Variants in HEMK2 observed in about 807,000 individuals in gnomAD.
HEMK2 encodes the protein methyltransferase HEMK2.
At chr21:28,812,643 T>C in the HEMK2 span, among the ~76,000 whole-genome samples, 13 of 152,352 alleles carry the variant, frequency 8.5e-5, 1 homozygote, top group Admixed American at 8.5e-4. Flanking sequence ...AGGATTATGC[T>C]GGACTCATAA....
chr21:28,617,147 G>A, the HEMK2 span, among the ~76,000 whole-genome samples: 1 of 152,182 alleles, frequency 6.6e-6, no homozygotes, highest in Non-Finnish European at 1.5e-5. Context: ...TGAATTGGGT[G>A]GTCTGGAATA....
At chr21:28,740,193 A>G in the HEMK2 span, among the ~76,000 whole-genome samples, 1 of 152,352 alleles carries the variant, frequency 6.6e-6, no homozygotes, top group African/African-American at 2.4e-5. Flanking sequence ...CTCTACTTAA[A>G]GCCTATCTAT....
At chr21:28,866,936 C>T in the HEMK2 span, among the ~76,000 whole-genome samples, 11 of 151,910 alleles carry the variant, frequency 7.2e-5, 1 homozygote, top group Admixed American at 2.0e-4. Context: ...AAATTTCAAC[C>T]ATATTATTCA....
the HEMK2 span, among the ~76,000 whole-genome samples, chr21:28,720,407 A>G: frequency 2.6e-5 from 4 of 152,196 alleles, no homozygotes; most frequent in Admixed American, 6.5e-5. Flanking sequence ...TGGAGTATGA[A>G]TAGGACCCAG....
the HEMK2 span, among the ~76,000 whole-genome samples, chr21:28,828,541 T>G: frequency 6.6e-6 from 1 of 152,090 alleles, no homozygotes; most frequent in African/African-American, 2.4e-5. Context: ...CAGCCTTCAG[T>G]TTTTTCTAAA....
chr21:28,670,458 A>G, the HEMK2 span, among the ~76,000 whole-genome samples: 4 of 152,082 alleles, frequency 2.6e-5, no homozygotes, highest in African/African-American at 9.7e-5. Context: ...TACTGTCTTG[A>G]GGCCATAAGG....
At chr21:28,701,164 T>C in the HEMK2 span, among the ~76,000 whole-genome samples, 1 of 152,206 alleles carries the variant, frequency 6.6e-6, no homozygotes. Context: ...AACAGCCATC[T>C]ATGACAAAGC....
chr21:28,583,523 G>A, the HEMK2 span, among the ~76,000 whole-genome samples: 1 of 152,160 alleles, frequency 6.6e-6, no homozygotes, highest in Non-Finnish European at 1.5e-5. Flanking sequence ...CCTTGAAATA[G>A]GGCTACGTCA....
At chr21:28,858,777 C>T in the HEMK2 span, among the ~76,000 whole-genome samples, 1 of 152,094 alleles carries the variant, frequency 6.6e-6, no homozygotes, top group African/African-American at 2.4e-5. Flanking sequence ...AGGGACCATG[C>T]CAGGAGTTCA....
chr21:28,861,402 T>C, the HEMK2 span, among the ~76,000 whole-genome samples: 1 of 152,232 alleles, frequency 6.6e-6, no homozygotes, highest in Non-Finnish European at 1.5e-5. Flanking sequence ...ACTGCATTCT[T>C]AATTTATATA....
the HEMK2 span, among the ~76,000 whole-genome samples, chr21:28,738,496 T>G: frequency 6.6e-6 from 1 of 152,182 alleles, no homozygotes; most frequent in African/African-American, 2.4e-5. Context: ...GTCTCCCTCT[T>G]GCTGTCCTCC....
the HEMK2 span, among the ~76,000 whole-genome samples, chr21:28,838,972 AATATATATAT>A: frequency 3.2e-3 from 94 of 29,148 alleles, no homozygotes; most frequent in South Asian, 0.01. Context: ...AAAAAAAAAA[AATATATATAT>A]ATATATATAT....
chr21:28,607,593 G>T, the HEMK2 span, among the ~76,000 whole-genome samples: 4 of 152,070 alleles, frequency 2.6e-5, no homozygotes, highest in African/African-American at 9.7e-5. Flanking sequence ...TAGCCAACAG[G>T]TTTAATCTTA....
the HEMK2 span, among the ~76,000 whole-genome samples, chr21:28,685,595 C>G: frequency 2.6e-5 from 4 of 152,150 alleles, no homozygotes; most frequent in African/African-American, 9.7e-5. Context: ...ACTTAGATTT[C>G]TAGTGGTCAC....
chr21:28,830,540 C>A, the HEMK2 span, among the ~76,000 whole-genome samples: 1 of 152,112 alleles, frequency 6.6e-6, no homozygotes, highest in Non-Finnish European at 1.5e-5. Context: ...AGTGTGAGAA[C>A]AGACTCTACA....
At chr21:28,781,669 G>A in the HEMK2 span, among the ~76,000 whole-genome samples, 9 of 152,320 alleles carry the variant, frequency 5.9e-5, no homozygotes, top group African/African-American at 2.2e-4. Flanking sequence ...CAGCAGCAAT[G>A]TGGAACAACA....
the HEMK2 span, among the ~76,000 whole-genome samples, chr21:28,826,875 A>G: frequency 2.0e-5 from 3 of 152,204 alleles, no homozygotes; most frequent in African/African-American, 7.2e-5. Context: ...TGGCATAACC[A>G]GCATCTTCAA....
At chr21:28,883,007 T>A in the HEMK2 span, 2 of 1,605,458 alleles carry the variant, frequency 1.2e-6, no homozygotes, top group Non-Finnish European at 1.7e-6. Context: ...TGAGGGCCTA[T>A]CATAGAGGCT....
the HEMK2 span, chr21:28,878,393 G>C: frequency 6.3e-7 from 1 of 1,581,488 alleles, no homozygotes; most frequent in Non-Finnish European, 8.7e-7. Context: ...ATCACAAACT[G>C]AATCTTTTTG....
Sources: gnomAD v4.1 joint callset for allele counts (sites outside exome capture counted in the v4.1 genomes callset) on GRCh38, gnomAD v4.1.1 for gene constraint, MANE v1.5 for transcripts, NCBI Gene and HGNC (gene_info 2026-07-23, HGNC 2026-07-21) for gene names.